TPCN1: variants seen among roughly 807,000 people sequenced by gnomAD.
The protein encoded by TPCN1 is two pore segment channel 1, also known as two pore channel protein 1.
TPCN1 carries 52 observed loss-of-function variants against 108.8 expected under a neutral mutation model. That is an observed-to-expected ratio of 0.48 (90% confidence interval 0.38 to 0.60). TPCN1 has a LOEUF of 0.60. Ranked by LOEUF, TPCN1 falls within the 20% of genes least tolerant of loss-of-function variation. The pLI, the probability that TPCN1 is intolerant of heterozygous loss-of-function variation, is 0.00. For synonymous variants in TPCN1, 446 were observed against 433.7 expected, an observed-to-expected ratio of 1.03 and a Z score of -0.35; for missense variants, 806 against 1,072.8, an observed-to-expected ratio of 0.75 and a Z score of 3.47.
chr12:113,233,478 C>T (rs921509673), intron 2 of TPCN1, among the ~76,000 whole-genome samples: 2 of 152,230 alleles, frequency 1.3e-5, no homozygotes, highest in African/African-American at 4.8e-5. Flanking sequence ...GCAAGGTAGC[C>T]CAGGAACAAA....
intron 10 of TPCN1, among the ~76,000 whole-genome samples, chr12:113,274,205 C>A (rs1185070216): frequency 1.3e-5 from 2 of 152,182 alleles, no homozygotes; most frequent in African/African-American, 4.8e-5. Flanking sequence ...GTAATCCCAG[C>A]ATTTTGGGAG....
At chr12:113,280,399 C>G (rs1047729288) in intron 15 of TPCN1, 1 of 470,868 alleles carries the variant, frequency 2.1e-6, no homozygotes, top group African/African-American at 1.9e-5. Flanking sequence ...TCCGGCTCAT[C>G]ATCCTCTCTA....
chr12:113,259,069 C>G (rs1461183332), intron 2 of TPCN1, among the ~76,000 whole-genome samples: 2 of 151,884 alleles, frequency 1.3e-5, no homozygotes, highest in Admixed American at 1.3e-4. Flanking sequence ...CTCCGCCTCC[C>G]AGGTTCAAGT....
At chr12:113,225,948 G>A (rs1953454619) in intron 1 of TPCN1, among the ~76,000 whole-genome samples, 1 of 152,034 alleles carries the variant, frequency 6.6e-6, no homozygotes, top group African/African-American at 2.4e-5. Context: ...TTGAACTCCT[G>A]GGCTCAAGTG....
chr12:113,291,356 C>T (rs1300462446), intron 23 of TPCN1, among the ~76,000 whole-genome samples: 7 of 152,212 alleles, frequency 4.6e-5, no homozygotes, highest in African/African-American at 1.4e-4. Context: ...TAAACTTTCC[C>T]GACTCCCAGC....
intron 1 of TPCN1, 105 bp from the exon 2 acceptor site, chr12:113,226,623 C>T (rs1432494650): frequency 1.0e-6 from 1 of 961,920 alleles, no homozygotes; most frequent in African/African-American, 1.7e-5. Flanking sequence ...GGTTTTTATT[C>T]ACGAGGTTGT....
intron 2 of TPCN1, among the ~76,000 whole-genome samples, chr12:113,233,136 A>G (rs1234521596): frequency 6.6e-6 from 1 of 152,156 alleles, no homozygotes; most frequent in African/African-American, 2.4e-5. Context: ...AGCCCTCCAC[A>G]TCTTCATGGG....
chr12:113,238,183 A>G (rs947950038), intron 2 of TPCN1, among the ~76,000 whole-genome samples: 12 of 152,206 alleles, frequency 7.9e-5, no homozygotes, highest in Admixed American at 6.5e-5. Flanking sequence ...GGTATTGAGG[A>G]ATTGGCATCT....
chr12:113,280,217 T>A (rs1955839783), intron 15 of TPCN1, 22 bp downstream of exon 15: 1 of 1,601,700 alleles, frequency 6.2e-7, no homozygotes, highest in African/African-American at 1.3e-5. Flanking sequence ...ATATCTCCAC[T>A]CTAGGCCACT....
chr12:113,272,729 T>TAA lies in TPCN1; in HGVS notation c.783+37_783+38insAA. 2 of 1,603,872 alleles carry TAA rather than the reference T, an allele frequency of 1.2e-6. No individual in the cohort carries two copies. Among genetic ancestry groups the TAA allele is most frequent in the Admixed American group, 3.3e-5 (2 of 60,022 alleles). On this transcript the variant is annotated intron_variant, in intron 8 of 27. Coordinates refer to ENST00000335509, the MANE Select transcript of TPCN1 (RefSeq NM_017901.6). The surrounding 1 kb of genome is among the most constrained non-coding windows in gnomAD (Gnocchi z 4.1). ...GCACATTTGTCCGTCTCTTCTTTTA[T>TAA]GGAGGGCTTTTCCCTCAGACAGGGT...
intron 2 of TPCN1, among the ~76,000 whole-genome samples, chr12:113,249,212 G>A (rs1353200137): frequency 6.6e-6 from 1 of 152,220 alleles, no homozygotes; most frequent in African/African-American, 2.4e-5. Flanking sequence ...GGCCAATGGA[G>A]GGACCGTCTG....
chr12:113,247,508 T>TC (rs1210784502), intron 2 of TPCN1, among the ~76,000 whole-genome samples: 1 of 152,226 alleles, frequency 6.6e-6, no homozygotes, highest in Non-Finnish European at 1.5e-5. Context: ...CATTGTCCCT[T>TC]CAGCCACTTC....
intron 1 of TPCN1, among the ~76,000 whole-genome samples, chr12:113,224,517 C>A (rs1953396755): frequency 6.6e-6 from 1 of 151,958 alleles, no homozygotes; most frequent in African/African-American, 2.4e-5. Flanking sequence ...CTGCCTCAAC[C>A]TCCTGAGCAG....
At chr12:113,279,699 C>G (rs923318675) in intron 14 of TPCN1, among the ~76,000 whole-genome samples, 1 of 151,992 alleles carries the variant, frequency 6.6e-6, no homozygotes, top group Admixed American at 6.6e-5. Flanking sequence ...CCACTGCGCC[C>G]GACCCCGATA....
At position 113,221,521 on chromosome 12, in the gene TPCN1, C is replaced by A; in HGVS notation, c.-231C>A. 1 of 284,028 alleles carries A rather than the reference C, an allele frequency of 3.5e-6. No individual in the cohort carries two copies. Among genetic ancestry groups the A allele is most frequent in the East Asian group, 9.6e-5 (1 of 10,380 alleles). The allele number at this position is 284,028 out of a possible 1,614,324, so 17.6% of individuals were successfully genotyped here. ...GAAGTGGCGGCGGCTTCGGCGGCTG[C>A]GGCGGCTGCAACAGCTTCGGGCTCG... is the stretch of plus-strand genomic sequence containing the variant. On this transcript the variant is annotated 5_prime_UTR_variant, in exon 1 of 28. Transcript: ENST00000335509.
intron 2 of TPCN1, among the ~76,000 whole-genome samples, chr12:113,233,293 C>A (rs546523373): frequency 1.3e-5 from 2 of 152,348 alleles, no homozygotes; most frequent in Non-Finnish European, 2.9e-5. Flanking sequence ...CCTCCCCACT[C>A]GCCTGGGGGA....
rs1953327859 is a variant in TPCN1 at position 113,223,255 on chromosome 12, T to A, written c.-126+1629T>A. Among the ~76,000 whole-genome samples the A allele has an allele frequency of 2.6e-5, 4 of 152,236 alleles. No homozygotes were observed. In the South Asian group the frequency reaches 8.3e-4, roughly 31 times the overall value. On this transcript the variant is annotated intron_variant, in intron 1 of 27. Transcript: ENST00000335509. ...TGTTTCAAAACGTTGTACTGTTCCC[T>A]GTGGATGCACAAGGATTTGCTTGGA... is the stretch of plus-strand genomic sequence containing the variant.
intron 15 of TPCN1, among the ~76,000 whole-genome samples, chr12:113,283,538 G>A (rs1324056065): frequency 2.0e-5 from 3 of 152,058 alleles, no homozygotes; most frequent in Non-Finnish European, 4.4e-5. Context: ...GGAAGCTAAG[G>A]TGGGAGGATT....
intron 2 of TPCN1, among the ~76,000 whole-genome samples, chr12:113,246,700 T>C (rs550634829): frequency 6.6e-6 from 1 of 152,312 alleles, no homozygotes; most frequent in South Asian, 2.1e-4. Flanking sequence ...TCCTGTCTTC[T>C]CAAGCTGGGC....
Sources: gnomAD v4.1 joint callset for allele counts (sites outside exome capture counted in the v4.1 genomes callset) on GRCh38, gnomAD v4.1.1 for gene constraint, Gnocchi (gnomAD v3.1) non-coding constraint, MANE v1.5 for transcripts, NCBI Gene and HGNC (gene_info 2026-07-23, HGNC 2026-07-21) for gene names.